The following FAM47E variants were observed in gnomAD, a reference collection of about 807,000 sequenced individuals.
FAM47E encodes the protein protein FAM47E.
Under a neutral mutation model 41.6 loss-of-function variants are expected in FAM47E, and 32 were observed. The ratio of observed to expected loss-of-function variants is 0.77; its 90% CI spans 0.58 to 1.03. The LOEUF is 1.03. FAM47E is among the 50% of genes least tolerant of loss of function. The probability of loss-of-function intolerance (pLI) is 0.00; values close to 1 mark genes in which losing one functional copy is unlikely to be tolerated. For missense variants in FAM47E, 424 were observed against 485.4 expected, an observed-to-expected ratio of 0.87 and a Z score of 1.19; for synonymous variants, 184 against 188.7, an observed-to-expected ratio of 0.98 and a Z score of 0.20.
At position 76,222,227 on chromosome 4, in the gene FAM47E, C is replaced by T. The variant is rs1031752475; in HGVS notation, c.81+4539C>T. ...ATCTGGGCATCATATTTCCTATCTT[C>T]TTTTTTTTTTTTTTTCTGAGACCGA... On this transcript the variant is annotated intron_variant, in intron 2 of 7. Coordinates refer to the FAM47E transcript ENST00000510197. Among the ~76,000 whole-genome samples the T allele has an allele frequency of 2.6e-4, 38 of 143,990 alleles. 1 individual carries two copies. The highest frequency in any genetic ancestry group is 4.6e-5 in the Non-Finnish European group (3 of 65,304). 94.5% of individuals were successfully genotyped at this position (143,990 alleles called of 152,430 possible). A position where few individuals can be genotyped will look rare whatever the true frequency, so the allele number is the denominator to read the frequency against.
intron 2 of FAM47E, among the ~76,000 whole-genome samples, chr4:76,233,627 C>G (rs1281616257): frequency 6.6e-6 from 1 of 152,012 alleles, no homozygotes; most frequent in Non-Finnish European, 1.5e-5. Flanking sequence ...AAGCATATAA[C>G]ACACACATAT....
rs761278216 is a variant in FAM47E, at chr4:76,256,376, G to T, written c.273G>T (p.Gln91His). The T allele has an allele frequency of 4.5e-5, 70 of 1,551,820 alleles. No homozygotes were observed. The highest frequency in any genetic ancestry group is 5.8e-5 in the Non-Finnish European group (67 of 1,147,194). The change falls in exon 2 of 8, where the codon CAG becomes CAT. Residue 91 changes from glutamine to histidine, a missense_variant. Coordinates refer to ENST00000424749, the MANE Select transcript of FAM47E (RefSeq NM_001136570.3). ...CCCAACTGGCCCCAAAGAAGAGGCA[G>T]ATCAAGCTGCTCAAGGAAGCAGACG... ...RAPQLAPKKR[Q>H]IKLLKEADVL... is the part of the protein sequence containing the mutation.
chr4:76,268,071 A>G (rs1353217596), intron 3 of FAM47E: 1 of 152,254 alleles, frequency 6.6e-6, no homozygotes. Flanking sequence ...CAATTTTTAT[A>G]AAGAAGCTAT....
At chr4:76,253,747 T>C (rs1290132487) in intron 1 of FAM47E, among the ~76,000 whole-genome samples, 1 of 151,016 alleles carries the variant, frequency 6.6e-6, no homozygotes, top group African/African-American at 2.4e-5. Flanking sequence ...GAGGTTGCAG[T>C]GAGCCAAGAT....
At chr4:76,266,159 A>C (rs1734624713) in intron 3 of FAM47E, among the ~76,000 whole-genome samples, 1 of 152,118 alleles carries the variant, frequency 6.6e-6, no homozygotes, top group African/African-American at 2.4e-5. Flanking sequence ...TCCCTCTTTC[A>C]TGGACCTCTC....
intron 2 of FAM47E, among the ~76,000 whole-genome samples, chr4:76,228,266 G>C (rs1390419297): frequency 6.6e-6 from 1 of 152,006 alleles, no homozygotes; most frequent in African/African-American, 2.4e-5. Flanking sequence ...GATCATTTGA[G>C]ATCAGGAGTT....
intron 3 of FAM47E, chr4:76,267,919 CG>C (rs1377618655): frequency 3.9e-5 from 6 of 152,024 alleles, no homozygotes; most frequent in Non-Finnish European, 7.4e-5. Flanking sequence ...TTAATGGCTG[CG>C]GGGTTTCTTT....
At chr4:76,239,995 T>C (rs1483428360) in intron 2 of FAM47E, among the ~76,000 whole-genome samples, 1 of 152,164 alleles carries the variant, frequency 6.6e-6, no homozygotes, top group Non-Finnish European at 1.5e-5. Context: ...TTTTCCCCAT[T>C]GGATAATCTT....
intron 2 of FAM47E, among the ~76,000 whole-genome samples, chr4:76,231,919 T>C (rs1470857137): frequency 6.6e-6 from 1 of 152,202 alleles, no homozygotes; most frequent in Non-Finnish European, 1.5e-5. Flanking sequence ...GATTGACTCC[T>C]TAAAGGAAAG....
At position 76,251,726 on chromosome 4, in the gene FAM47E, G is replaced by A; in HGVS notation, c.-21G>A. The A allele has an allele frequency of 6.8e-7, 1 of 1,470,258 alleles. No individual in the cohort carries two copies. Among genetic ancestry groups the A allele is most frequent in the South Asian group, 1.3e-5 (1 of 76,398 alleles). 91.1% of individuals were successfully genotyped at this position (1,470,258 alleles called of 1,614,324 possible). The stretch of plus-strand genomic sequence containing the variant: ...CACACACCGCCCAAGCCCGGACGGT[G>A]GCCGCGAAGCTAGGGCCACCATGGC... On this transcript the variant is annotated 5_prime_UTR_variant, in exon 1 of 8. Transcript: ENST00000424749.
At chr4:76,233,214 T>C (rs1445830723) in intron 2 of FAM47E, among the ~76,000 whole-genome samples, 1 of 152,362 alleles carries the variant, frequency 6.6e-6, no homozygotes, top group East Asian at 1.9e-4. Flanking sequence ...GTTGTTCTAA[T>C]TGTGTGCTAA....
intron 2 of FAM47E, among the ~76,000 whole-genome samples, chr4:76,237,210 T>C (rs1251597565): frequency 6.6e-6 from 1 of 152,092 alleles, no homozygotes; most frequent in Non-Finnish European, 1.5e-5. Context: ...ATGTTTCTTA[T>C]CAGATTTAAA....
At chr4:76,274,559 T>A (rs1735020799) in intron 5 of FAM47E, among the ~76,000 whole-genome samples, 1 of 152,138 alleles carries the variant, frequency 6.6e-6, no homozygotes, top group Admixed American at 6.5e-5. Flanking sequence ...CCAGTCTGGG[T>A]AACAGAGTGA....
chr4:76,266,003 T>C (rs1734618707), intron 3 of FAM47E, among the ~76,000 whole-genome samples: 1 of 152,228 alleles, frequency 6.6e-6, no homozygotes. Context: ...TCCACTGACC[T>C]GACCTTAGTC....
Position 76,221,885 on chromosome 4 carries a change from A to G in FAM47E, c.81+4197A>G, listed in dbSNP as rs796648549. Among the ~76,000 whole-genome samples the G allele has an allele frequency of 7.2e-5, 11 of 152,338 alleles. 1 individual carries two copies. The highest frequency in any genetic ancestry group is 2.4e-4 in the African/African-American group (10 of 41,570). ...CAGTTTACCTGTGTAACAAACTTGCACATGTACCACCTGAACCTAAAATAA... is the reference window on the plus strand; with the variant it reads ...CAGTTTACCTGTGTAACAAACTTGCGCATGTACCACCTGAACCTAAAATAA... On this transcript the variant is annotated intron_variant, in intron 2 of 7. Transcript: ENST00000510197.
At position 76,271,469 on chromosome 4, in the gene FAM47E, A is replaced by T. The variant is rs28654684; in HGVS notation, c.670-99A>T. The T allele has an allele frequency of 6.3e-4, 881 of 1,405,218 alleles. 3 individuals are homozygous for T. The African/African-American group carries it at 0.012, about 18-fold the overall frequency. 87.0% of individuals were successfully genotyped at this position (1,405,218 alleles called of 1,614,324 possible). On this transcript the variant is annotated intron_variant, in intron 4 of 7. Transcript: ENST00000424749. ...GACTGAGCATTTTCTACCTCTCCCC[A>T]AACTACCTCTTTCCTCAGCGATGGC...
Position 76,235,429 on chromosome 4 carries a change from A to T in FAM47E, c.81+17741A>T, listed in dbSNP as rs1234446025. On this transcript the variant is annotated intron_variant, in intron 2 of 7. Coordinates refer to the FAM47E transcript ENST00000510197. Reference sequence around the variant, plus strand: ...TAAAATTAAGGTGGGGATTAGAAGGAGTTAGGAAGAGAAGCCTCCTATGCC... The same window carrying T: ...TAAAATTAAGGTGGGGATTAGAAGGTGTTAGGAAGAGAAGCCTCCTATGCC... Among the ~76,000 whole-genome samples, 59 of 152,242 alleles carry T rather than the reference A, an allele frequency of 3.9e-4. 1 individual carries two copies. Among genetic ancestry groups the T allele is most frequent in the Non-Finnish European group, 3.8e-4 (26 of 68,040 alleles).
intron 2 of FAM47E, chr4:76,217,778 A>G (rs949392393): frequency 1.7e-5 from 7 of 414,074 alleles, no homozygotes; most frequent in Middle Eastern, 3.1e-4. Flanking sequence ...CTATACCTAA[A>G]ATCAGAAGAC....
At chr4:76,241,121 T>C (rs969117485) in intron 2 of FAM47E, among the ~76,000 whole-genome samples, 4 of 152,190 alleles carry the variant, frequency 2.6e-5, no homozygotes, top group African/African-American at 9.6e-5. Flanking sequence ...GTGCTGAGGA[T>C]TAGCCTGAAA....
Sources: allele counts gnomAD v4.1 joint callset (sites outside exome capture counted in the v4.1 genomes callset), GRCh38; gene constraint gnomAD v4.1.1; transcripts MANE v1.5; gene names NCBI Gene and HGNC (gene_info 2026-07-23, HGNC 2026-07-21).